PGM5: variants seen among roughly 807,000 people sequenced by gnomAD.
PGM5 encodes phosphoglucomutase-like protein 5.
Under a neutral mutation model 59.2 loss-of-function variants are expected in PGM5, and 23 were observed. The observed-to-expected ratio is 0.39, with a 90% CI of 0.28 to 0.55. The LOEUF is 0.55. Ranked by LOEUF, PGM5 falls within the 20% of genes least tolerant of loss-of-function variation. The pLI, the probability that PGM5 is intolerant of heterozygous loss-of-function variation, is 0.66. For missense variants in PGM5, 574 were observed against 748.3 expected, an observed-to-expected ratio of 0.77 and a Z score of 2.72; for synonymous variants, 214 against 286.0, an observed-to-expected ratio of 0.75 and a Z score of 2.54.
chr9:68,410,594 C>G (rs536229409), intron 6 of PGM5, among the ~76,000 whole-genome samples: 1 of 152,048 alleles, frequency 6.6e-6, no homozygotes, highest in Non-Finnish European at 1.5e-5. Flanking sequence ...GGAGGAATAT[C>G]TACCAGAGAA....
chr9:68,463,826 G>A lies in PGM5; in HGVS notation c.1044-1267G>A, dbSNP rs149646586. On this transcript the variant is annotated intron_variant, in intron 6 of 10. Coordinates refer to ENST00000396396, the MANE Select transcript of PGM5 (RefSeq NM_021965.4). ...GCTGGCAATACAGCAGACAGTCTCT[G>A]ACATATGACGGTTCAACTTAAGAAT... Among the ~76,000 whole-genome samples the A allele has an allele frequency of 3.3e-5, 5 of 152,250 alleles. No individual in the cohort carries two copies. In the East Asian group the frequency reaches 9.6e-4, roughly 29 times the overall value.
At chr9:68,454,596 C>T (rs1823744593) in intron 6 of PGM5, among the ~76,000 whole-genome samples, 2 of 152,198 alleles carry the variant, frequency 1.3e-5, no homozygotes, top group South Asian at 4.1e-4. Context: ...GGCCTCATCG[C>T]ATTTAGTCCC....
At chr9:68,514,793 T>G (rs1824801340) in intron 10 of PGM5, among the ~76,000 whole-genome samples, 1 of 152,212 alleles carries the variant, frequency 6.6e-6, no homozygotes, top group Non-Finnish European at 1.5e-5. Context: ...GCCTGGCCTC[T>G]ATTTCTTCCT....
At chr9:68,412,547 T>C (rs1292614840) in intron 6 of PGM5, among the ~76,000 whole-genome samples, 74 of 152,246 alleles carry the variant, frequency 4.9e-4, no homozygotes, top group Admixed American at 7.2e-4. Flanking sequence ...CCTTAATGGA[T>C]GAAATCACCC....
intron 9 of PGM5, among the ~76,000 whole-genome samples, chr9:68,494,775 A>T (rs1824455907): frequency 6.6e-6 from 1 of 152,226 alleles, no homozygotes. Context: ...TAAACAGTCA[A>T]GCCCTGCCAT....
intron 4 of PGM5, among the ~76,000 whole-genome samples, chr9:68,390,807 G>GA (rs57994503): frequency 0.076 from 11,535 of 151,648 alleles, 182 homozygotes; most frequent in East Asian, 0.34. Context: ...CTTCTTCCTT[G>GA]AAGCCTTATG....
At chr9:68,370,730 G>A (rs1163336323) in intron 1 of PGM5, among the ~76,000 whole-genome samples, 2 of 152,140 alleles carry the variant, frequency 1.3e-5, no homozygotes, top group Admixed American at 1.3e-4. Context: ...CTCATTTATG[G>A]ATGAAAAAGC....
intron 6 of PGM5, among the ~76,000 whole-genome samples, chr9:68,393,678 A>G (rs1242749538): frequency 6.6e-6 from 1 of 152,140 alleles, no homozygotes; most frequent in African/African-American, 2.4e-5. Context: ...ACTTTCATAC[A>G]TTGCAAACAA....
At chr9:68,473,989 T>C (rs1824063060) in intron 7 of PGM5, among the ~76,000 whole-genome samples, 1 of 152,048 alleles carries the variant, frequency 6.6e-6, no homozygotes, top group Non-Finnish European at 1.5e-5. Flanking sequence ...CCTCACTCAC[T>C]ACCCCCAGGC....
At chr9:68,411,539 A>G (rs1822933842) in intron 6 of PGM5, among the ~76,000 whole-genome samples, 1 of 150,716 alleles carries the variant, frequency 6.6e-6, no homozygotes, top group Non-Finnish European at 1.5e-5. Flanking sequence ...CTAGAATTCT[A>G]GAATTATGGA....
At chr9:68,465,732 C>T (rs551589898) in intron 7 of PGM5, among the ~76,000 whole-genome samples, 118 of 152,306 alleles carry the variant, frequency 7.7e-4, no homozygotes, top group Non-Finnish European at 1.5e-3. Context: ...ACTTTAAATA[C>T]TTCATCCAGT....
intron 6 of PGM5, among the ~76,000 whole-genome samples, chr9:68,432,773 T>G (rs1394440326): frequency 6.6e-6 from 1 of 151,980 alleles, no homozygotes. Flanking sequence ...ACCTGGCTAA[T>G]TTTTGGTATT....
At chr9:68,472,866 C>G (rs782541830) in intron 7 of PGM5, among the ~76,000 whole-genome samples, 1 of 152,220 alleles carries the variant, frequency 6.6e-6, no homozygotes, top group Non-Finnish European at 1.5e-5. Flanking sequence ...ACATTGCCCA[C>G]AGCACAGGAT....
chr9:68,440,555 T>A (rs1225143003), intron 6 of PGM5, among the ~76,000 whole-genome samples: 1 of 152,188 alleles, frequency 6.6e-6, no homozygotes, highest in African/African-American at 2.4e-5. Flanking sequence ...CTTTTATTCC[T>A]AGTTTGAATG....
At chr9:68,377,606 C>A (rs1821955168) in intron 1 of PGM5, among the ~76,000 whole-genome samples, 1 of 152,146 alleles carries the variant, frequency 6.6e-6, no homozygotes, top group South Asian at 2.1e-4. Flanking sequence ...ACCTCCAGAT[C>A]TCTGCTTAGC....
At position 68,392,174 on chromosome 9, in the gene PGM5, G is replaced by T. The variant is rs782028597; in HGVS notation, c.889-145G>T. ...GCCCTTGGTACTCAGAGATTTCGAA[G>T]AATGTTTCCCATGTTCTCTTTGGCC... On this transcript the variant is annotated intron_variant, in intron 5 of 10. Coordinates refer to ENST00000396396, the MANE Select transcript of PGM5 (RefSeq NM_021965.4). 127 of 1,334,868 alleles carry T rather than the reference G, an allele frequency of 9.5e-5. No individual in the cohort carries two copies. In the Middle Eastern group the frequency reaches 1.9e-3, roughly 20 times the overall value. The allele number at this position is 1,334,868 out of a possible 1,614,324, so 82.7% of individuals were successfully genotyped here.
chr9:68,451,632 T>G (rs987839628), intron 6 of PGM5, among the ~76,000 whole-genome samples: 3 of 152,196 alleles, frequency 2.0e-5, no homozygotes, highest in Non-Finnish European at 2.9e-5. Context: ...AAATAAAATA[T>G]GCCATTCAAA....
intron 6 of PGM5, among the ~76,000 whole-genome samples, chr9:68,408,276 TG>T (rs1822858304): frequency 6.6e-6 from 1 of 152,172 alleles, no homozygotes; most frequent in African/African-American, 2.4e-5. Flanking sequence ...GAGCAGAGGC[TG>T]GGGTGTGGCT....
In PGM5 at chr9:68,391,455, T is replaced by C. The variant is rs562239956; in HGVS notation, c.698-79T>C. 2.1e-4 allele frequency: 236 copies of C among 1,132,064 alleles called. 1 individual carries two copies. In the African/African-American group the frequency reaches 3.3e-3, roughly 16 times the overall value. The allele number at this position is 1,132,064 out of a possible 1,614,324, so 70.1% of individuals were successfully genotyped here. A position where few individuals can be genotyped will look rare whatever the true frequency, so the allele number is the denominator to read the frequency against. ...TTTTCTTCTGGGTTATTAAATGGTGTTTCCTGTACTATTCAGAACAAAATA... is the reference window on the plus strand; with the variant it reads ...TTTTCTTCTGGGTTATTAAATGGTGCTTCCTGTACTATTCAGAACAAAATA... On this transcript the variant is annotated intron_variant, in intron 4 of 10. Coordinates refer to ENST00000396396, the MANE Select transcript of PGM5 (RefSeq NM_021965.4).
Sources: allele counts gnomAD v4.1 joint callset (sites outside exome capture counted in the v4.1 genomes callset), GRCh38; gene constraint gnomAD v4.1.1; transcripts MANE v1.5; gene names NCBI Gene and HGNC (gene_info 2026-07-23, HGNC 2026-07-21).